Variants in KCNK13 observed in about 807,000 individuals in gnomAD.
The protein encoded by KCNK13 is potassium two pore domain channel subfamily K member 13, also known as potassium channel subfamily K member 13.
In KCNK13, 12 loss-of-function variants were observed where a neutral mutation model predicts 23.4. The ratio of observed to expected loss-of-function variants is 0.51; its 90% CI spans 0.33 to 0.83. The LOEUF (loss-of-function observed/expected upper bound fraction) is 0.83, where lower values mean the gene tolerates loss of function less well. Among genes scored for constraint, KCNK13 ranks in the 40% least tolerant of loss-of-function variants. The pLI is 0.02. For synonymous variants in KCNK13, 231 were observed against 229.5 expected (o/e 1.01, Z -0.06); for missense variants, 463 against 556.3 (o/e 0.83, Z 1.69).
intron 1 of KCNK13, among the ~76,000 whole-genome samples, chr14:90,148,651 G>A (rs1458140291): frequency 6.6e-6 from 1 of 152,222 alleles, no homozygotes; most frequent in East Asian, 1.9e-4. Context: ...TGCGCAGTGG[G>A]AGGGATCAGA....
At chr14:90,158,488 A>C (rs1890218921) in intron 1 of KCNK13, among the ~76,000 whole-genome samples, 1 of 152,226 alleles carries the variant, frequency 6.6e-6, no homozygotes. Context: ...TTGGCCAAGC[A>C]CTGGGGACCA....
chr14:90,068,136 T>C (rs1244770710), intron 1 of KCNK13, among the ~76,000 whole-genome samples: 1 of 152,030 alleles, frequency 6.6e-6, no homozygotes, highest in African/African-American at 2.4e-5. Flanking sequence ...GCACCAATGA[T>C]TAAATGGCCA....
At chr14:90,159,932 CGTGTGTGTGTAGGGGTGTGTGTGTGT>C (rs1395895416) in intron 1 of KCNK13, among the ~76,000 whole-genome samples, 1 of 127,888 alleles carries the variant, frequency 7.8e-6, no homozygotes, top group African/African-American at 2.7e-5. Flanking sequence ...TCTTAATAAT[CGTGTGTGTGTAGGGGTGTGTGTGTGT>C]GTGTGTGTGT....
At chr14:90,096,125 C>T (rs959139700) in intron 1 of KCNK13, among the ~76,000 whole-genome samples, 4 of 152,192 alleles carry the variant, frequency 2.6e-5, no homozygotes, top group African/African-American at 9.7e-5. Flanking sequence ...TCTGGAAGCT[C>T]TCCAAACCTT....
At chr14:90,070,317 T>C (rs1889059098) in intron 1 of KCNK13, among the ~76,000 whole-genome samples, 1 of 152,234 alleles carries the variant, frequency 6.6e-6, no homozygotes, top group Admixed American at 6.5e-5. Context: ...TCCTTATAAT[T>C]AATAGCTCTG....
chr14:90,063,853 C>T (rs554718085), intron 1 of KCNK13, among the ~76,000 whole-genome samples: 10 of 152,280 alleles, frequency 6.6e-5, no homozygotes, highest in South Asian at 6.2e-4. Flanking sequence ...GCACAGGAGG[C>T]GAGGCAGAGG....
intron 1 of KCNK13, among the ~76,000 whole-genome samples, chr14:90,155,085 T>C (rs1889360): frequency 0.19 from 28,721 of 152,126 alleles, 2,987 homozygotes; most frequent in Admixed American, 0.29. Context: ...ACTGGTGATA[T>C]GTGCTGTAGA....
At chr14:90,109,399 CT>C (rs1187232658) in intron 1 of KCNK13, among the ~76,000 whole-genome samples, 1 of 140,574 alleles carries the variant, frequency 7.1e-6, no homozygotes, top group Non-Finnish European at 1.5e-5. Context: ...GCAGGACTTC[CT>C]TTTCTTTCCT....
intron 1 of KCNK13, among the ~76,000 whole-genome samples, chr14:90,156,242 G>A (rs1383682969): frequency 6.6e-6 from 1 of 150,474 alleles, no homozygotes; most frequent in Non-Finnish European, 1.5e-5. Context: ...GCATAGAGAT[G>A]GTATTTAAAA....
chr14:90,152,259 G>A (rs866405233), intron 1 of KCNK13, among the ~76,000 whole-genome samples: 2 of 152,136 alleles, frequency 1.3e-5, no homozygotes, highest in Non-Finnish European at 2.9e-5. Flanking sequence ...CTTTGCGGCC[G>A]GTGCAGTGGC....
intron 1 of KCNK13, among the ~76,000 whole-genome samples, chr14:90,138,141 C>T (rs1889960577): frequency 6.6e-6 from 1 of 152,030 alleles, no homozygotes; most frequent in African/African-American, 2.4e-5. Flanking sequence ...TATTTCCATG[C>T]TATTTTTTTC....
chr14:90,078,450 G>GAGGA (rs1236151904), intron 1 of KCNK13, among the ~76,000 whole-genome samples: 98 of 149,292 alleles, frequency 6.6e-4, no homozygotes, highest in African/African-American at 2.3e-3. Context: ...AAAAGAAAGA[G>GAGGA]AGGAAGGAAG....
chr14:90,130,750 G>A (rs935196170), intron 1 of KCNK13, among the ~76,000 whole-genome samples: 2 of 152,086 alleles, frequency 1.3e-5, no homozygotes, highest in Non-Finnish European at 2.9e-5. Context: ...GGAAACAGAG[G>A]TTGTGGTGAG....
chr14:90,084,331 T>C (rs539156093), intron 1 of KCNK13, among the ~76,000 whole-genome samples: 1 of 152,348 alleles, frequency 6.6e-6, no homozygotes, highest in South Asian at 2.1e-4. Context: ...CAATGTTTTA[T>C]AGTTTTTTGG....
chr14:90,176,536 G>T (rs1225128024), intron 1 of KCNK13, among the ~76,000 whole-genome samples: 1 of 151,766 alleles, frequency 6.6e-6, no homozygotes, highest in Admixed American at 6.6e-5. Flanking sequence ...CAATTCTTTT[G>T]TAGTTTCATC....
intron 1 of KCNK13, among the ~76,000 whole-genome samples, chr14:90,131,054 G>T (rs189621862): frequency 4.3e-4 from 65 of 152,076 alleles, no homozygotes; most frequent in African/African-American, 1.5e-3. Context: ...TGTGTGCCTC[G>T]CAGGGCTGCT....
intron 1 of KCNK13, among the ~76,000 whole-genome samples, chr14:90,104,435 G>A (rs984929955): frequency 5.9e-5 from 9 of 152,166 alleles, no homozygotes; most frequent in Non-Finnish European, 1.2e-4. Flanking sequence ...ATTGTCTGGA[G>A]ACCATTTTCT....
At chr14:90,120,757 C>G (rs1348013245) in intron 1 of KCNK13, among the ~76,000 whole-genome samples, 1 of 152,168 alleles carries the variant, frequency 6.6e-6, no homozygotes, top group Non-Finnish European at 1.5e-5. Context: ...CGGCCCCTCC[C>G]AAATCTCATG....
chr14:90,141,250 C>G (rs550341493), intron 1 of KCNK13, among the ~76,000 whole-genome samples: 1 of 152,338 alleles, frequency 6.6e-6, no homozygotes, highest in South Asian at 2.1e-4. Flanking sequence ...ATAGTATAAC[C>G]AGAGCTATTT....
Sources: gnomAD v4.1 joint callset for allele counts (sites outside exome capture counted in the v4.1 genomes callset) on GRCh38, gnomAD v4.1.1 for gene constraint, MANE v1.5 for transcripts, NCBI Gene and HGNC (gene_info 2026-07-23, HGNC 2026-07-21) for gene names.